GATAD2A: variants seen among roughly 807,000 people sequenced by gnomAD.
GATAD2A encodes the protein GATA zinc finger domain containing 2A.
In GATAD2A, 12 loss-of-function variants were observed where a neutral mutation model predicts 68.5. That is an observed-to-expected ratio of 0.18 (90% CI 0.11 to 0.28). The LOEUF is 0.28. Ranked by LOEUF, GATAD2A falls within the 10% of genes least tolerant of loss-of-function variation. GATAD2A has a pLI of 1.00. For synonymous variants in GATAD2A, 410 were observed against 375.3 expected, an observed-to-expected ratio of 1.09 and a Z score of -1.07; for missense variants, 755 against 868.5, an observed-to-expected ratio of 0.87 and a Z score of 1.64.
intron 2 of GATAD2A, chr19:19,472,262 CTCTT>C (rs956197395): frequency 1.3e-5 from 2 of 152,060 alleles, no homozygotes. Flanking sequence ...AGGGGAGAGT[CTCTT>C]TCTTTCAAAT....
intron 4 of GATAD2A, among the ~76,000 whole-genome samples, chr19:19,493,676 G>C (rs1211208374): frequency 6.6e-6 from 1 of 152,174 alleles, no homozygotes. Flanking sequence ...AGGAAGGACA[G>C]GACTCTCTCT....
chr19:19,450,507 CTGCTCATG>C (rs1354727551), intron 1 of GATAD2A, among the ~76,000 whole-genome samples: 1 of 152,064 alleles, frequency 6.6e-6, no homozygotes, highest in Non-Finnish European at 1.5e-5. Flanking sequence ...TGGATGTGTG[CTGCTCATG>C]TCTTTTTGGA....
At chr19:19,404,621 C>T (rs1035100779), upstream of GATAD2A, among the ~76,000 whole-genome samples, 12 of 152,198 alleles carry the variant, frequency 7.9e-5, no homozygotes, top group East Asian at 1.7e-3. Flanking sequence ...GTGGAGGTTG[C>T]AGTGAGCCGA....
intron 2 of GATAD2A, among the ~76,000 whole-genome samples, chr19:19,484,647 C>T (rs903790597): frequency 4.0e-5 from 6 of 150,684 alleles, no homozygotes; most frequent in Non-Finnish European, 7.4e-5. Flanking sequence ...CATTCTCCTG[C>T]CTCAGCCTCC....
At chr19:19,425,571 T>G (rs1179922505) in intron 1 of GATAD2A, among the ~76,000 whole-genome samples, 1 of 152,180 alleles carries the variant, frequency 6.6e-6, no homozygotes, top group African/African-American at 2.4e-5. Flanking sequence ...ATTTCCAATC[T>G]GAAATGATTG....
At chr19:19,468,359 C>CA (rs1327118102) in intron 2 of GATAD2A, among the ~76,000 whole-genome samples, 3 of 152,196 alleles carry the variant, frequency 2.0e-5, no homozygotes, top group Admixed American at 2.0e-4. Flanking sequence ...AGTGGGGAGA[C>CA]ACAGCGGCTC....
chr19:19,490,194 G>A (rs2059693706), intron 2 of GATAD2A, among the ~76,000 whole-genome samples: 1 of 152,148 alleles, frequency 6.6e-6, no homozygotes. Flanking sequence ...CTTCATCAGG[G>A]CTAGGACCAG....
intron 2 of GATAD2A, among the ~76,000 whole-genome samples, chr19:19,470,771 C>T (rs916527417): frequency 6.6e-6 from 1 of 151,628 alleles, no homozygotes; most frequent in Admixed American, 6.6e-5. Context: ...AAGGAAGTAA[C>T]AAGTGTTGAG....
chr19:19,440,186 A>C (rs1301044614), intron 1 of GATAD2A: 1 of 414,356 alleles, frequency 2.4e-6, no homozygotes. Flanking sequence ...GTAAAGGAAG[A>C]AGAGATGGAG....
chr19:19,488,711 G>C (rs1387599236), intron 2 of GATAD2A, among the ~76,000 whole-genome samples: 1 of 152,216 alleles, frequency 6.6e-6, no homozygotes, highest in Non-Finnish European at 1.5e-5. Flanking sequence ...GGGGTGGTGC[G>C]TGTCAGCGAG....
In GATAD2A at chr19:19,501,185, C is replaced by T. The variant is rs2060499329; in HGVS notation, c.1272C>T (p.Asp424=). 6.2e-7 allele frequency: 1 copy of T among 1,613,546 alleles called. No individual in the cohort carries two copies. ...ACATGTGTGCACAGTGCAAGACGGA[C>T]TTCACGTGCCGCTGGCGGGAGGAGA... ...EPYMCAQCKT[D]FTCRWREEKS... The change falls in exon 9 of 12, where the codon GAC becomes GAT. Residue 424 remains aspartate (D), a synonymous_variant. Transcript: ENST00000683918.
chr19:19,438,511 G>A (rs901582423), intron 1 of GATAD2A, among the ~76,000 whole-genome samples: 1 of 152,182 alleles, frequency 6.6e-6, no homozygotes. Flanking sequence ...AGGGCAGCAG[G>A]GCTGGCTGTA....
chr19:19,480,235 G>A (rs2058963349), intron 2 of GATAD2A, among the ~76,000 whole-genome samples: 1 of 152,110 alleles, frequency 6.6e-6, no homozygotes, highest in Non-Finnish European at 1.5e-5. Context: ...TTTTACTCAC[G>A]TATGAGTTTG....
chr19:19,440,226 G>A (rs564847337), intron 1 of GATAD2A: 77 of 291,958 alleles, frequency 2.6e-4, no homozygotes, highest in African/African-American at 1.6e-3. Flanking sequence ...GGAAAGGTGG[G>A]GGGATTTGCT....
chr19:19,495,251 C>T (rs1374693529), intron 5 of GATAD2A, among the ~76,000 whole-genome samples: 1 of 152,166 alleles, frequency 6.6e-6, no homozygotes, highest in East Asian at 1.9e-4. Flanking sequence ...GCCTTGGCCT[C>T]CCAATGTGTT....
intron 1 of GATAD2A, among the ~76,000 whole-genome samples, chr19:19,418,578 C>A (rs1168324817): frequency 6.6e-6 from 1 of 152,022 alleles, no homozygotes; most frequent in Non-Finnish European, 1.5e-5. Context: ...TGGTTGGGAA[C>A]CCACATTTTC....
chr19:19,437,305 A>G (rs1555701677), intron 1 of GATAD2A, among the ~76,000 whole-genome samples: 4 of 151,954 alleles, frequency 2.6e-5, no homozygotes, highest in South Asian at 2.1e-4. Flanking sequence ...TAATTTTTGT[A>G]TTTTTTGTAG....
At chr19:19,497,653 C>G (rs1281748504) in intron 7 of GATAD2A, among the ~76,000 whole-genome samples, 1 of 152,290 alleles carries the variant, frequency 6.6e-6, no homozygotes, top group East Asian at 1.9e-4. Context: ...CCTGCACACC[C>G]TGTGCCCCAC....
intron 4 of GATAD2A, among the ~76,000 whole-genome samples, chr19:19,493,029 C>G (rs1011214058): frequency 2.0e-5 from 3 of 151,720 alleles, no homozygotes; most frequent in Non-Finnish European, 1.5e-5. Flanking sequence ...CAACCTCTGC[C>G]TCCTGGGTTC....
Sources: allele counts gnomAD v4.1 joint callset (sites outside exome capture counted in the v4.1 genomes callset), GRCh38; gene constraint gnomAD v4.1.1; transcripts MANE v1.5; gene names NCBI Gene and HGNC (gene_info 2026-07-23, HGNC 2026-07-21).